The following MYO18A variants were observed in gnomAD, a reference collection of about 807,000 sequenced individuals.
The protein encoded by MYO18A is myosin XVIIIA.
In MYO18A, 78 loss-of-function variants were observed where a neutral mutation model predicts 235.8. The observed-to-expected ratio is 0.33, with a 90% CI of 0.28 to 0.40. The LOEUF (loss-of-function observed/expected upper bound fraction) is 0.40, where lower values mean the gene tolerates loss of function less well. MYO18A is among the 10% of genes least tolerant of loss of function. The pLI, the probability that MYO18A is intolerant of heterozygous loss-of-function variation, is 1.00. For missense variants in MYO18A, 2,215 were observed against 2,699.3 expected, an observed-to-expected ratio of 0.82 and a Z score of 3.98; for synonymous variants, 977 against 1,077.8, an observed-to-expected ratio of 0.91 and a Z score of 1.83.
At chr17:29,179,581 C>T (rs2068604540) in intron 1 of MYO18A, among the ~76,000 whole-genome samples, 1 of 152,172 alleles carries the variant, frequency 6.6e-6, no homozygotes, top group South Asian at 2.1e-4. Context: ...CTCCAGAGGC[C>T]TGGGGCAGCT....
At chr17:29,169,214 C>A (rs547507795) in intron 1 of MYO18A, among the ~76,000 whole-genome samples, 4 of 152,136 alleles carry the variant, frequency 2.6e-5, no homozygotes, top group Admixed American at 2.0e-4. Flanking sequence ...CCACGCCCAG[C>A]TAATTTTTTG....
Position 29,092,999 on chromosome 17 carries a change from C to A in MYO18A, c.4929G>T (p.Val1643=), listed in dbSNP as rs557036076. The A allele has an allele frequency of 6.9e-5, 112 of 1,612,782 alleles. 2 individuals carry two copies. The East Asian group carries it at 2.5e-3, about 36-fold the overall frequency. ...TCTCTGACTCAAAGTCCCGCCGGTT[C>A]ACCTGGGTGGGCACCAGCAGTTGGG... ...EGKLATLSDQ[V]NRRDFESEKR... is the part of the protein sequence containing the mutation. The change falls in exon 33 of 42, where the codon GTG becomes GTT. Residue 1643 remains valine, a splice_region_variant and synonymous_variant. Transcript: ENST00000527372.
At chr17:29,110,969 T>C (rs2066914873) in intron 17 of MYO18A, among the ~76,000 whole-genome samples, 1 of 152,212 alleles carries the variant, frequency 6.6e-6, no homozygotes, top group African/African-American at 2.4e-5. Flanking sequence ...TAACATACGA[T>C]ATAATTTATT....
chr17:29,123,344 C>T (rs989212187), intron 2 of MYO18A, among the ~76,000 whole-genome samples: 10 of 152,018 alleles, frequency 6.6e-5, no homozygotes, highest in African/African-American at 9.7e-5. Context: ...CAGGTTAGCC[C>T]GAGCCCCTAC....
At chr17:29,146,408 G>C (rs551432012) in intron 2 of MYO18A, among the ~76,000 whole-genome samples, 8 of 152,200 alleles carry the variant, frequency 5.3e-5, no homozygotes, top group Admixed American at 2.6e-4. Flanking sequence ...CTCAAATCAA[G>C]CAAGTGTGTG....
In MYO18A at chr17:29,090,560, T is replaced by C. The variant is rs1307704618; in HGVS notation, c.5360A>G (p.Asn1787Ser). Residue 1787 changes from asparagine to serine, a missense_variant, in exon 36 of 42, where the codon AAC (asparagine) becomes AGC (serine). Physicochemically the swap from Asn to Ser is conservative, Grantham distance 46. Transcript: ENST00000527372. ...CTCCTGCAGCTCCTGCTTCTCTTTG[T>C]TGGCTTCTTCTAGCTGAGCTTGGAG... ...NDLQAQLEEA[N>S]KEKQELQEKL... The C allele has an allele frequency of 6.3e-6, 10 of 1,598,632 alleles. No homozygotes were observed. The highest frequency in any genetic ancestry group is 1.1e-5 in the South Asian group (1 of 88,440).
chr17:29,133,347 T>G (rs983125141), intron 2 of MYO18A, among the ~76,000 whole-genome samples: 1 of 152,228 alleles, frequency 6.6e-6, no homozygotes, highest in African/African-American at 2.4e-5. Context: ...GTCTGTGGCC[T>G]GAATCACCCT....
At chr17:29,146,394 G>A (rs2067850551) in intron 2 of MYO18A, among the ~76,000 whole-genome samples, 1 of 152,194 alleles carries the variant, frequency 6.6e-6, no homozygotes, top group African/African-American at 2.4e-5. Context: ...GAAGGAAGCT[G>A]GGTCTCAAAT....
rs774814809 is a variant in MYO18A at position 29,107,165 on chromosome 17, G to T, written c.3356C>A (p.Ser1119Tyr). The change falls in exon 20 of 42, where the codon TCC becomes TAC. Residue 1119 changes from serine to tyrosine, a missense_variant. Ser to Tyr is a moderately radical substitution (Grantham distance 144, BLOSUM62 -2). Transcript: ENST00000527372. ...GACATCAAAGCGGCGGCGGAACTCG[G>T]AAAACACCATGTGGTCAGGGTAACC... ...RQGYPDHMVF[S>Y]EFRRRFDVLA... 5 of 1,613,988 alleles carry T rather than the reference G, an allele frequency of 3.1e-6. No homozygotes were observed. The highest frequency in any genetic ancestry group is 3.4e-6 in the Non-Finnish European group (4 of 1,179,866).
chr17:29,126,168 C>G lies in MYO18A; in HGVS notation c.1000-3915G>C, dbSNP rs954886374. ...TGGGAGTTCTGGGGTTATTTCTTCCCACCTGCCTATCTTGAGCACCAAATG... is the reference window on the plus strand; with the variant it reads ...TGGGAGTTCTGGGGTTATTTCTTCCGACCTGCCTATCTTGAGCACCAAATG... On this transcript the variant is annotated intron_variant, in intron 2 of 41. Coordinates refer to ENST00000527372, the MANE Select transcript of MYO18A (RefSeq NM_078471.4). This position sits in a 1 kb window ranked among gnomAD's most constrained non-coding sequence, Gnocchi z 4.1. Among the ~76,000 whole-genome samples the G allele has an allele frequency of 2.0e-5, 3 of 152,150 alleles. No individual in the cohort carries two copies. Among genetic ancestry groups the G allele is most frequent in the African/African-American group, 7.2e-5 (3 of 41,428 alleles).
At chr17:29,082,251 C>A (rs145655444) in intron 41 of MYO18A, 65 bp downstream of exon 41, 1 of 1,603,118 alleles carries the variant, frequency 6.2e-7, no homozygotes, top group Non-Finnish European at 8.5e-7. Context: ...GGGATCCAGG[C>A]GCTACTTGTC....
rs370016180 is a variant in MYO18A, at chr17:29,119,453, C to T, written c.1729-18G>A. On this transcript the variant is annotated intron_variant, in intron 7 of 41. Coordinates refer to ENST00000527372, the MANE Select transcript of MYO18A (RefSeq NM_078471.4). ...AGCATTGTCTGTGACACAGCATGGA[C>T]GTGTGGGTAAGGAGGGTAGTGCCAG... 1.2e-5 allele frequency: 19 copies of T among 1,593,582 alleles called. No individual in the cohort carries two copies. The highest frequency in any genetic ancestry group is 2.7e-5 in the African/African-American group (2 of 74,444).
chr17:29,110,059 C>A lies in MYO18A; in HGVS notation c.3130G>T (p.Val1044Leu). ...DTIKKSKLHFVHCFLPVAEGW... is the reference protein window; with the variant it reads ...DTIKKSKLHFLHCFLPVAEGW... ...TCAGCTACAGGCAGGAAGCAGTGCACAAAATGCAGCTTTGACTTCTTGATG... is the reference window on the plus strand; with the variant it reads ...TCAGCTACAGGCAGGAAGCAGTGCAAAAAATGCAGCTTTGACTTCTTGATG... Residue 1044 changes from valine (V) to leucine (L), a missense_variant, in exon 19 of 42, where the codon GTG becomes TTG. Physicochemically the swap from Val to Leu is conservative, Grantham distance 32. Transcript: ENST00000527372. The A allele has an allele frequency of 6.2e-7, 1 of 1,612,938 alleles. No individual in the cohort carries two copies.
rs142430455 is a variant in MYO18A, at chr17:29,154,121, T to TGTGTGTGTGTGCGCGCGCGC, written c.999+11820_999+11821insGCGCGCGCGCACACACACAC. Among the ~76,000 whole-genome samples the TGTGTGTGTGTGCGCGCGCGC allele has an allele frequency of 2.3e-4, 35 of 149,108 alleles. No homozygotes were observed. In the East Asian group the frequency reaches 5.6e-3, roughly 24 times the overall value. On this transcript the variant is annotated intron_variant, in intron 2 of 41. Coordinates refer to ENST00000527372, the MANE Select transcript of MYO18A (RefSeq NM_078471.4). ...TGCAGAGTGTGTGTGTGTGTGTGTG[T>TGTGTGTGTGTGCGCGCGCGC]GCGCGCGCGTGCGTGTGTATGTGGC...
intron 2 of MYO18A, among the ~76,000 whole-genome samples, chr17:29,127,419 A>C (rs536370085): frequency 2.0e-5 from 3 of 152,320 alleles, no homozygotes; most frequent in Non-Finnish European, 4.4e-5. Flanking sequence ...TCAACAGAGG[A>C]AGTCTGAGAT....
Position 29,109,342 on chromosome 17 carries a change from A to C in MYO18A, c.3331+516T>G, listed in dbSNP as rs776582355. Among the ~76,000 whole-genome samples the C allele has an allele frequency of 1.3e-5, 2 of 152,112 alleles. No homozygotes were observed. The highest frequency in any genetic ancestry group is 2.9e-5 in the Non-Finnish European group (2 of 68,024). ...CAGTGTGCTATCCCGGCCCCCAGCCACCGATAACAGCTTCTAAGGACTCTA... is the reference window on the plus strand; with the variant it reads ...CAGTGTGCTATCCCGGCCCCCAGCCCCCGATAACAGCTTCTAAGGACTCTA... On this transcript the variant is annotated intron_variant, in intron 19 of 41. Coordinates refer to ENST00000527372, the MANE Select transcript of MYO18A (RefSeq NM_078471.4). This position sits in a 1 kb window ranked among gnomAD's most constrained non-coding sequence, Gnocchi z 4.1.
intron 34 of MYO18A, chr17:29,091,625 C>G (rs1427407171): frequency 2.2e-6 from 1 of 454,254 alleles, no homozygotes; most frequent in East Asian, 6.9e-5. Context: ...ATTTGAATTA[C>G]TCACCTGAGA....
In MYO18A at chr17:29,166,634, T is replaced by C; in HGVS notation, c.307A>G (p.Ser103Gly). 6.2e-7 allele frequency: 1 copy of C among 1,613,664 alleles called. No individual in the cohort carries two copies. The highest frequency in any genetic ancestry group is 2.2e-5 in the East Asian group (1 of 44,878). The change falls in exon 2 of 42, where the codon AGC becomes GGC. Residue 103 changes from serine to glycine, a missense_variant. Physicochemically the swap from Ser to Gly is moderately conservative, Grantham distance 56. Transcript: ENST00000527372. ...CCCTCCTCACCCTTGAGGTCATCGC[T>C]GGAGCTGGCTGTACTTAGGTGGCCC... ...DSGHLSTASSSDDLKGEEGSF... is the reference protein window; with the variant it reads ...DSGHLSTASSGDDLKGEEGSF...
At chr17:29,113,224 C>G (rs1456511332) in intron 15 of MYO18A, among the ~76,000 whole-genome samples, 1 of 152,246 alleles carries the variant, frequency 6.6e-6, no homozygotes, top group African/African-American at 2.4e-5. Context: ...CGCAGCCCCA[C>G]CACTTGTGCA....
Sources: allele counts gnomAD v4.1 joint callset (sites outside exome capture counted in the v4.1 genomes callset), GRCh38; gene constraint gnomAD v4.1.1; non-coding constraint Gnocchi (gnomAD v3.1); transcripts MANE v1.5; gene names NCBI Gene and HGNC (gene_info 2026-07-23, HGNC 2026-07-21).